The following FBXO11 variants were observed in gnomAD, a reference collection of about 807,000 sequenced individuals.
The protein encoded by FBXO11 is F-box protein 11, also known as F-box only protein 11.
A neutral mutation model predicts 117.0 loss-of-function variants in FBXO11; 13 were observed. The ratio of observed to expected loss-of-function variants is 0.11; its 90% CI spans 0.07 to 0.18. The LOEUF is 0.18. FBXO11 is among the 10% of genes least tolerant of loss of function. The pLI is 1.00. For synonymous variants in FBXO11, 490 were observed against 380.5 expected (o/e 1.29, Z -3.35); for missense variants, 767 against 1,164.4 (o/e 0.66, Z 4.97).
At position 47,906,088 on chromosome 2, in the gene FBXO11, G is replaced by A. The variant is rs1044932759; in HGVS notation, c.-368C>T. 1.2e-5 allele frequency: 3 copies of A among 257,380 alleles called. No homozygotes were observed. The highest frequency in any genetic ancestry group is 1.5e-5 in the Non-Finnish European group (2 of 135,552). 15.9% of individuals were successfully genotyped at this position (257,380 alleles called of 1,614,324 possible). ...AAGCGCGGCGGCGGCGGCGGCGGCG[G>A]CTGAAGAGACAGATCCCGGTCCCGC... On this transcript the variant is annotated 5_prime_UTR_variant, in exon 1 of 23. Coordinates refer to ENST00000403359, the MANE Select transcript of FBXO11 (RefSeq NM_001190274.2).
Position 47,906,383 on chromosome 2 carries a change from TTCC to T in FBXO11, c.-666_-664del, listed in dbSNP as rs1042999219. On this transcript the variant is annotated 5_prime_UTR_variant, in exon 1 of 23. Transcript: ENST00000403359. The stretch of plus-strand genomic sequence containing the variant: ...ATAGGGGGAAAAAGAGGCGTCGTCC[TTCC>T]TCCTCCTTAAAGGAACCTTTCCTCC... Among the ~76,000 whole-genome samples the T allele has an allele frequency of 2.6e-5, 4 of 152,170 alleles. No individual in the cohort carries two copies. Among genetic ancestry groups the T allele is most frequent in the Non-Finnish European group, 5.9e-5 (4 of 68,016 alleles).
chr2:47,885,360 G>C (rs1223901394), intron 1 of FBXO11, among the ~76,000 whole-genome samples: 2 of 152,142 alleles, frequency 1.3e-5, no homozygotes, highest in African/African-American at 4.8e-5. Context: ...TTGGGAGGCC[G>C]AGGTGAGTAA....
intron 1 of FBXO11, among the ~76,000 whole-genome samples, chr2:47,862,508 T>G (rs1018641021): frequency 1.3e-5 from 2 of 152,200 alleles, no homozygotes; most frequent in African/African-American, 4.8e-5. Flanking sequence ...AGACTGGTCT[T>G]GAACTCCTGG....
intron 16 of FBXO11, among the ~76,000 whole-genome samples, chr2:47,814,529 C>A (rs911014166): frequency 3.3e-5 from 5 of 152,008 alleles, no homozygotes; most frequent in African/African-American, 1.2e-4. Context: ...CAGGTGCACA[C>A]CACCATGCCC....
intron 1 of FBXO11, among the ~76,000 whole-genome samples, chr2:47,847,499 T>G (rs1673509161): frequency 6.6e-6 from 1 of 151,178 alleles, no homozygotes; most frequent in African/African-American, 2.4e-5. Flanking sequence ...ATTTGAGGTC[T>G]GGAGTTTGGG....
At chr2:47,880,092 C>A (rs1676327814) in intron 1 of FBXO11, among the ~76,000 whole-genome samples, 1 of 151,778 alleles carries the variant, frequency 6.6e-6, no homozygotes, top group Non-Finnish European at 1.5e-5. Context: ...ACCTTCCAGG[C>A]TCGAGAGATT....
intron 1 of FBXO11, among the ~76,000 whole-genome samples, chr2:47,887,551 G>C (rs1034329781): frequency 4.0e-5 from 6 of 151,816 alleles, no homozygotes; most frequent in African/African-American, 9.7e-5. Flanking sequence ...GACAAAACAA[G>C]ACCCTGTCTC....
intron 11 of FBXO11, among the ~76,000 whole-genome samples, chr2:47,831,934 T>C (rs545878245): frequency 6.6e-5 from 10 of 152,220 alleles, no homozygotes; most frequent in Admixed American, 5.9e-4. Flanking sequence ...CAAAGTATAC[T>C]CTACAAACTG....
intron 1 of FBXO11, among the ~76,000 whole-genome samples, chr2:47,904,790 T>A (rs1678623425): frequency 6.6e-6 from 1 of 151,930 alleles, no homozygotes; most frequent in South Asian, 2.1e-4. Flanking sequence ...AAATGGCCGA[T>A]GGATTCTATA....
intron 1 of FBXO11, among the ~76,000 whole-genome samples, chr2:47,842,669 G>A (rs1249865823): frequency 6.6e-6 from 1 of 151,430 alleles, no homozygotes; most frequent in Non-Finnish European, 1.5e-5. Flanking sequence ...AGTATGCCTG[G>A]GCTCATATGC....
At chr2:47,818,244 C>A (rs962301171) in intron 16 of FBXO11, among the ~76,000 whole-genome samples, 2 of 152,158 alleles carry the variant, frequency 1.3e-5, no homozygotes, top group African/African-American at 2.4e-5. Context: ...CTGCTCAACA[C>A]AGTATTGCCA....
intron 1 of FBXO11, among the ~76,000 whole-genome samples, chr2:47,901,530 G>A (rs138970944): frequency 6.6e-6 from 1 of 152,240 alleles, no homozygotes; most frequent in African/African-American, 2.4e-5. Context: ...GCTGGAGGCT[G>A]ATGTACGAAG....
chr2:47,905,607 C>G lies in FBXO11; in HGVS notation c.114G>C (p.Gln38His). 5 of 1,353,038 alleles carry G rather than the reference C, an allele frequency of 3.7e-6. No individual in the cohort carries two copies. Among genetic ancestry groups the G allele is most frequent in the Non-Finnish European group, 4.8e-6 (5 of 1,051,952 alleles). 83.8% of individuals were successfully genotyped at this position (1,353,038 alleles called of 1,614,324 possible). A position where few individuals can be genotyped will look rare whatever the true frequency, so the allele number is the denominator to read the frequency against. Residue 38 changes from glutamine (Q) to histidine (H), a missense_variant, in exon 1 of 23, where the codon CAG becomes CAC. By Grantham distance (24) the Gln-to-His change is conservative. Transcript: ENST00000403359. The part of the protein sequence containing the change: ...PQQPPPQPPQ[Q>H]QPPQQQPPPP... Reference sequence around the variant, plus strand: ...GCGGAGGCTGCTGCTGGGGCGGCTGCTGCTGGGGCGGCTGCGGCGGCGGCT... The same window carrying G: ...GCGGAGGCTGCTGCTGGGGCGGCTGGTGCTGGGGCGGCTGCGGCGGCGGCT...
At chr2:47,881,462 G>T (rs560568506) in intron 1 of FBXO11, among the ~76,000 whole-genome samples, 1 of 152,172 alleles carries the variant, frequency 6.6e-6, no homozygotes, top group East Asian at 1.9e-4. Flanking sequence ...TCCTCAACAT[G>T]AGTAATGTTA....
chr2:47,832,553 A>C lies in FBXO11; in HGVS notation c.1260+19T>G. On this transcript the variant is annotated intron_variant, in intron 10 of 22. Coordinates refer to ENST00000403359, the MANE Select transcript of FBXO11 (RefSeq NM_001190274.2). The stretch of plus-strand genomic sequence containing the variant: ...AACATTTTCTAAAAAGAAAAAAACC[A>C]CACAAAATTAAAAAATACCTGTGCA... The C allele has an allele frequency of 6.2e-7, 1 of 1,607,040 alleles. No homozygotes were observed. Among genetic ancestry groups the C allele is most frequent in the Non-Finnish European group, 8.5e-7 (1 of 1,177,344 alleles).
intron 11 of FBXO11, among the ~76,000 whole-genome samples, chr2:47,826,342 C>G (rs991704756): frequency 3.3e-5 from 5 of 152,170 alleles, no homozygotes; most frequent in Admixed American, 1.3e-4. Context: ...CAGGTGTGAG[C>G]CACCGCGCCC....
chr2:47,892,515 G>A (rs1677331569), intron 1 of FBXO11, among the ~76,000 whole-genome samples: 3 of 152,136 alleles, frequency 2.0e-5, no homozygotes, highest in African/African-American at 7.2e-5. Flanking sequence ...CAGCTACAAG[G>A]TTCTCACATG....
intron 1 of FBXO11, among the ~76,000 whole-genome samples, chr2:47,903,141 A>C (rs1678426430): frequency 6.6e-6 from 1 of 152,160 alleles, no homozygotes; most frequent in African/African-American, 2.4e-5. Context: ...AACGTAATTA[A>C]AATGTCAATT....
At chr2:47,852,632 A>C (rs1286736391) in intron 1 of FBXO11, among the ~76,000 whole-genome samples, 1 of 152,142 alleles carries the variant, frequency 6.6e-6, no homozygotes, top group African/African-American at 2.4e-5. Flanking sequence ...GTGTCTTTTA[A>C]AACTTTATTG....
Sources: gnomAD v4.1 joint callset for allele counts (sites outside exome capture counted in the v4.1 genomes callset) on GRCh38, gnomAD v4.1.1 for gene constraint, MANE v1.5 for transcripts, NCBI Gene and HGNC (gene_info 2026-07-23, HGNC 2026-07-21) for gene names.